PSD2: variants seen among roughly 807,000 people sequenced by gnomAD.
The protein encoded by PSD2 is pleckstrin and Sec7 domain containing 2, also known as PH and SEC7 domain-containing protein 2.
In PSD2, 38 loss-of-function variants were observed where a neutral mutation model predicts 69.8. The observed-to-expected ratio is 0.54, with a 90% CI of 0.42 to 0.71. The LOEUF (loss-of-function observed/expected upper bound fraction) is 0.71. Ranked by LOEUF, PSD2 falls within the 30% of genes least tolerant of loss-of-function variation. PSD2 has a pLI of 0.00. For missense variants in PSD2, 943 were observed against 1,014.5 expected, an observed-to-expected ratio of 0.93 and a Z score of 0.96; for synonymous variants, 412 against 423.0, an observed-to-expected ratio of 0.97 and a Z score of 0.32.
the PSD2 span, among the ~76,000 whole-genome samples, chr5:139,755,183 T>C: frequency 6.6e-6 from 1 of 152,114 alleles, no homozygotes; most frequent in Non-Finnish European, 1.5e-5. Context: ...AGGTCCTGGG[T>C]AGGTAGATGG....
At position 139,839,262 on chromosome 5, in the gene PSD2, G is replaced by A. The variant is rs1265919614; in HGVS notation, c.1968+490G>A. On this transcript the variant is annotated intron_variant, in intron 13 of 14. Transcript: ENST00000274710. The surrounding 1 kb of genome is among the most constrained non-coding windows in gnomAD (Gnocchi z 5.1). The stretch of plus-strand genomic sequence containing the variant: ...GAAATGGTGGCCCGGAGCTTGAGAG[G>A]TAGAGGGCAGCGGAAGCCCCACACT... Among the ~76,000 whole-genome samples the A allele has an allele frequency of 6.6e-6, 1 of 152,264 alleles. No homozygotes were observed. Among genetic ancestry groups the A allele is most frequent in the Non-Finnish European group, 1.5e-5 (1 of 68,046 alleles).
chr5:139,771,278 C>A, the PSD2 span, among the ~76,000 whole-genome samples: 139 of 152,232 alleles, frequency 9.1e-4, 2 homozygotes, highest in Non-Finnish European at 5.9e-4. Context: ...GGCTGCCCCA[C>A]CCCTGGGCAC....
chr5:139,778,534 TTTAAG>T, the PSD2 span, among the ~76,000 whole-genome samples: 1 of 152,250 alleles, frequency 6.6e-6, no homozygotes, highest in African/African-American at 2.4e-5. Flanking sequence ...TTTTAGGACA[TTTAAG>T]TTATTTACAA....
the PSD2 span, among the ~76,000 whole-genome samples, chr5:139,776,521 A>G: frequency 6.6e-6 from 1 of 152,070 alleles, no homozygotes; most frequent in Non-Finnish European, 1.5e-5. Flanking sequence ...GGTCAATAAG[A>G]TATGTACCCA....
At chr5:139,835,422 G>A (rs1403958541) in intron 8 of PSD2, among the ~76,000 whole-genome samples, 1 of 152,144 alleles carries the variant, frequency 6.6e-6, no homozygotes, top group Non-Finnish European at 1.5e-5. Flanking sequence ...CTTGCTGTAT[G>A]TCAAGTTCTG....
chr5:139,838,848 C>G lies in PSD2; in HGVS notation c.1968+76C>G, dbSNP rs906358520. Reference sequence around the variant, plus strand: ...CCAGGCCCCCATCCAGCAGCCCCACCCCAGCTCTGTCTCTAGGCTGGGTGA... The same window carrying G: ...CCAGGCCCCCATCCAGCAGCCCCACGCCAGCTCTGTCTCTAGGCTGGGTGA... On this transcript the variant is annotated intron_variant, in intron 13 of 14. Transcript: ENST00000274710. The G allele has an allele frequency of 2.7e-6, 4 of 1,498,226 alleles. No homozygotes were observed. The African/African-American group carries it at 5.5e-5, about 21-fold the overall frequency. 92.8% of individuals were successfully genotyped at this position (1,498,226 alleles called of 1,614,324 possible).
At chr5:139,802,318 T>A (rs1759694271) in intron 1 of PSD2, among the ~76,000 whole-genome samples, 1 of 152,112 alleles carries the variant, frequency 6.6e-6, no homozygotes, top group Admixed American at 6.5e-5. Flanking sequence ...AGGAAGCTTC[T>A]TGGTTTCTGT....
Position 139,806,153 on chromosome 5 carries a change from C to T in PSD2, c.-50-3238C>T, listed in dbSNP as rs1161473554. On this transcript the variant is annotated intron_variant, in intron 1 of 14. Coordinates refer to ENST00000274710, the MANE Select transcript of PSD2 (RefSeq NM_032289.4). ...GTGGGAGACCCTGCCTGGAGAGGGGCTTGGATCAGGCCAAGAGAGGCTGCA... is the reference window on the plus strand; with the variant it reads ...GTGGGAGACCCTGCCTGGAGAGGGGTTTGGATCAGGCCAAGAGAGGCTGCA... Among the ~76,000 whole-genome samples, 3 of 152,360 alleles carry T rather than the reference C, an allele frequency of 2.0e-5. No homozygotes were observed. In the South Asian group the frequency reaches 6.2e-4, roughly 32 times the overall value.
At chr5:139,760,529 G>T in the PSD2 span, among the ~76,000 whole-genome samples, 1 of 152,168 alleles carries the variant, frequency 6.6e-6, no homozygotes, top group Non-Finnish European at 1.5e-5. Context: ...CTCAGCCCCT[G>T]GGTTGTGCCG....
At chr5:139,786,288 G>C in the PSD2 span, among the ~76,000 whole-genome samples, 1 of 152,164 alleles carries the variant, frequency 6.6e-6, no homozygotes, top group African/African-American at 2.4e-5. Flanking sequence ...AGGAGGCAGA[G>C]AGGTGGGGGG....
chr5:139,840,273 G>A, intron 14 of PSD2, 103 bp downstream of exon 14: 2 of 1,303,050 alleles, frequency 1.5e-6, no homozygotes, highest in Non-Finnish European at 2.1e-6. Context: ...TGATAAAGGG[G>A]CTCATTGATG....
chr5:139,820,332 A>G (rs1266208408), intron 5 of PSD2, among the ~76,000 whole-genome samples: 1 of 148,896 alleles, frequency 6.7e-6, no homozygotes, highest in South Asian at 2.1e-4. Context: ...GAGAAGAGGG[A>G]GGGGCCAGGC....
intron 7 of PSD2, among the ~76,000 whole-genome samples, chr5:139,833,348 C>T (rs913866657): frequency 1.3e-5 from 2 of 152,076 alleles, no homozygotes; most frequent in African/African-American, 4.8e-5. Flanking sequence ...TAAAAACAGG[C>T]ACCTCACCTC....
At chr5:139,802,057 C>A (rs1294728459) in intron 1 of PSD2, among the ~76,000 whole-genome samples, 3 of 152,028 alleles carry the variant, frequency 2.0e-5, no homozygotes, top group Non-Finnish European at 4.4e-5. Context: ...TCAAGGAGGC[C>A]ACAACCTGCA....
chr5:139,841,854 TG>T (rs1292786486), intron 14 of PSD2, among the ~76,000 whole-genome samples: 3 of 152,238 alleles, frequency 2.0e-5, no homozygotes, highest in Non-Finnish European at 4.4e-5. Flanking sequence ...GGTTGTCTTC[TG>T]TTGTTGCATT....
chr5:139,836,408 T>C (rs1396014892), intron 9 of PSD2, among the ~76,000 whole-genome samples: 1 of 152,176 alleles, frequency 6.6e-6, no homozygotes, highest in East Asian at 1.9e-4. Context: ...CTTCAGGGCC[T>C]TACCTGCTGG....
chr5:139,830,565 C>CCTTCCTTTCTTT (rs1554096354), intron 7 of PSD2, among the ~76,000 whole-genome samples: 34 of 120,406 alleles, frequency 2.8e-4, no homozygotes, highest in East Asian at 4.4e-4. Context: ...TTCCTTCCTT[C>CCTTCCTTTCTTT]CTTTCTTTCT....
chr5:139,805,816 G>A (rs1255714735), intron 1 of PSD2, among the ~76,000 whole-genome samples: 1 of 152,214 alleles, frequency 6.6e-6, no homozygotes, highest in Non-Finnish European at 1.5e-5. Context: ...ATGGGGTAGA[G>A]GGCAGCAGAA....
chr5:139,778,057 G>C, the PSD2 span, among the ~76,000 whole-genome samples: 1 of 152,232 alleles, frequency 6.6e-6, no homozygotes, highest in South Asian at 2.1e-4. Flanking sequence ...AGAAGCGAGG[G>C]CTTCAGTGCT....
Sources: gnomAD v4.1 joint callset for allele counts (sites outside exome capture counted in the v4.1 genomes callset) on GRCh38, gnomAD v4.1.1 for gene constraint, Gnocchi (gnomAD v3.1) non-coding constraint, MANE v1.5 for transcripts, NCBI Gene and HGNC (gene_info 2026-07-23, HGNC 2026-07-21) for gene names.